THSD7A: variants seen among roughly 807,000 people sequenced by gnomAD.
THSD7A encodes thrombospondin type 1 domain containing 7A.
In THSD7A, 96 loss-of-function variants were observed where a neutral mutation model predicts 231.3. The ratio of observed to expected loss-of-function variants is 0.41; its 90% CI spans 0.35 to 0.49. The LOEUF is 0.49. THSD7A is among the 20% of genes least tolerant of loss of function. THSD7A has a pLI of 0.05. For missense variants in THSD7A, 2,290 were observed against 2,070.2 expected, an observed-to-expected ratio of 1.11 and a Z score of -2.06; for synonymous variants, 940 against 743.3, an observed-to-expected ratio of 1.26 and a Z score of -4.30.
intron 1 of THSD7A, among the ~76,000 whole-genome samples, chr7:11,821,555 A>G (rs1268812955): frequency 6.6e-6 from 1 of 152,196 alleles, no homozygotes; most frequent in Non-Finnish European, 1.5e-5. Flanking sequence ...AAGAATGCAG[A>G]TAATTTGCTT....
rs75763356 is a variant in THSD7A, at chr7:11,460,379, A to C, written c.2605+283T>G. The stretch of plus-strand genomic sequence containing the variant: ...ACAAACAAACAAACAAACAAACAAA[A>C]AAGCTTCAGTGTACCATTTATGTCA... On this transcript the variant is annotated intron_variant, in intron 11 of 27. Coordinates refer to ENST00000423059, the MANE Select transcript of THSD7A (RefSeq NM_015204.3). Among the ~76,000 whole-genome samples, 452 of 150,890 alleles carry C rather than the reference A, an allele frequency of 3.0e-3. 1 individual carries two copies. The highest frequency in any genetic ancestry group is 0.011 in the African/African-American group (434 of 40,326).
chr7:11,392,633 C>T (rs1189630863), intron 23 of THSD7A, among the ~76,000 whole-genome samples: 3 of 152,190 alleles, frequency 2.0e-5, no homozygotes, highest in Non-Finnish European at 4.4e-5. Context: ...GATCCACTGG[C>T]TTGACATTCT....
intron 4 of THSD7A, among the ~76,000 whole-genome samples, chr7:11,564,617 C>A (rs1227806253): frequency 1.3e-5 from 2 of 152,096 alleles, no homozygotes; most frequent in Non-Finnish European, 2.9e-5. Flanking sequence ...AAACTCCTCC[C>A]AGGGTCTAGA....
At position 11,481,993 on chromosome 7, in the gene THSD7A, C is replaced by T; in HGVS notation, c.1823-11G>A. The T allele has an allele frequency of 1.3e-6, 2 of 1,584,218 alleles. No individual in the cohort carries two copies. The highest frequency in any genetic ancestry group is 1.7e-6 in the Non-Finnish European group (2 of 1,162,164). Reference sequence around the variant, plus strand: ...TGTCAACTTCTTCTCCTGGGGAAAACATGACCACCAACAGCTATTATTGTT... The same window carrying T: ...TGTCAACTTCTTCTCCTGGGGAAAATATGACCACCAACAGCTATTATTGTT... On this transcript the variant is annotated splice_polypyrimidine_tract_variant and intron_variant, in intron 6 of 27. Transcript: ENST00000423059.
intron 9 of THSD7A, among the ~76,000 whole-genome samples, chr7:11,468,347 A>C (rs1213683532): frequency 6.6e-6 from 1 of 151,996 alleles, no homozygotes; most frequent in Non-Finnish European, 1.5e-5. Context: ...TCTATAAGAA[A>C]GTACAATTCT....
chr7:11,404,840 A>G (rs896106013), intron 22 of THSD7A, among the ~76,000 whole-genome samples: 2 of 152,176 alleles, frequency 1.3e-5, no homozygotes, highest in African/African-American at 4.8e-5. Flanking sequence ...TAGGTATACA[A>G]TACAGTATTG....
Position 11,446,989 on chromosome 7 carries a change from C to A in THSD7A, c.2800+241G>T, listed in dbSNP as rs976289166. Among the ~76,000 whole-genome samples, 1 of 152,088 alleles carries A rather than the reference C, an allele frequency of 6.6e-6. No homozygotes were observed. Among genetic ancestry groups the A allele is most frequent in the African/African-American group, 2.4e-5 (1 of 41,426 alleles). On this transcript the variant is annotated intron_variant, in intron 12 of 27. Coordinates refer to ENST00000423059, the MANE Select transcript of THSD7A (RefSeq NM_015204.3). The surrounding 1 kb of genome is among the most constrained non-coding windows in gnomAD (Gnocchi z 4.0). Reference sequence around the variant, plus strand: ...CAGGCAGTCCACTAAAAGATTATGTCTACACCAGAAAATAATCCACTGCAT... The same window carrying A: ...CAGGCAGTCCACTAAAAGATTATGTATACACCAGAAAATAATCCACTGCAT...
chr7:11,656,776 T>G (rs552753149), intron 1 of THSD7A, among the ~76,000 whole-genome samples: 1 of 151,956 alleles, frequency 6.6e-6, no homozygotes, highest in Non-Finnish European at 1.5e-5. Context: ...ACTCATTACC[T>G]TTCTGAGTTG....
Position 11,406,292 on chromosome 7 carries a change from G to A in THSD7A, c.4237+8C>T, listed in dbSNP as rs371955601. 29 of 1,600,032 alleles carry A rather than the reference G, an allele frequency of 1.8e-5. No homozygotes were observed. Among genetic ancestry groups the A allele is most frequent in the African/African-American group, 9.4e-5 (7 of 74,280 alleles). On this transcript the variant is annotated splice_region_variant and intron_variant, in intron 22 of 27. Transcript: ENST00000423059. The surrounding 1 kb of genome is among the most constrained non-coding windows in gnomAD (Gnocchi z 4.7). The stretch of plus-strand genomic sequence containing the variant: ...ATCAGAATATGAATTCTCCTTTGCC[G>A]TTGTTACCTGGGCAAGGCTGGCTGC...
intron 16 of THSD7A, among the ~76,000 whole-genome samples, chr7:11,423,932 A>C (rs76560925): frequency 6.6e-6 from 1 of 152,160 alleles, no homozygotes; most frequent in African/African-American, 2.4e-5. Context: ...ATTCCTATGA[A>C]TATGTGGGGT....
chr7:11,409,347 C>T (rs187890972), intron 19 of THSD7A, among the ~76,000 whole-genome samples: 75 of 152,278 alleles, frequency 4.9e-4, no homozygotes, highest in African/African-American at 1.4e-3. Context: ...GTTGCACAGT[C>T]GAATTTTAAG....
chr7:11,528,151 G>A (rs1562687880), intron 6 of THSD7A, among the ~76,000 whole-genome samples: 2 of 152,118 alleles, frequency 1.3e-5, no homozygotes, highest in Admixed American at 1.3e-4. Context: ...CTGGGTGACA[G>A]AGTGAGACCC....
At chr7:11,696,451 G>A (rs918509265) in intron 1 of THSD7A, among the ~76,000 whole-genome samples, 2 of 151,232 alleles carry the variant, frequency 1.3e-5, no homozygotes, top group Non-Finnish European at 3.0e-5. Flanking sequence ...TTAAGTTCTG[G>A]GATACATGTG....
intron 1 of THSD7A, among the ~76,000 whole-genome samples, chr7:11,730,485 TATA>T (rs1781691337): frequency 6.6e-6 from 1 of 151,638 alleles, no homozygotes; most frequent in Non-Finnish European, 1.5e-5. Flanking sequence ...CGTAATGTAT[TATA>T]ATAAATTTAA....
At chr7:11,530,320 G>C (rs1360888755) in intron 6 of THSD7A, among the ~76,000 whole-genome samples, 1 of 152,084 alleles carries the variant, frequency 6.6e-6, no homozygotes, top group East Asian at 1.9e-4. Context: ...ACATCTGGTA[G>C]GCAAAGTTTG....
Position 11,406,990 on chromosome 7 carries a change from G to T in THSD7A, c.3982C>A (p.Leu1328Met). The change falls in exon 21 of 28, where the codon CTG (leucine) becomes ATG (methionine). Residue 1328 changes from leucine (L) to methionine (M), a missense_variant. Transcript: ENST00000423059. This position sits in a 1 kb window ranked among gnomAD's most constrained non-coding sequence, Gnocchi z 4.7. ...GGGCAGGGTTTGGACTGGTCCATCA[G>T]GGAAGGGCATGGTCTTCCATCACCT... ...FQGDGRPCPS[L>M]MDQSKPCPVK... 1 of 1,613,876 alleles carries T rather than the reference G, an allele frequency of 6.2e-7. No homozygotes were observed. Among genetic ancestry groups the T allele is most frequent in the Non-Finnish European group, 8.5e-7 (1 of 1,179,852 alleles).
intron 26 of THSD7A, 76 bp from the exon 27 acceptor site, chr7:11,376,733 A>G (rs1357121153): frequency 1.7e-5 from 19 of 1,108,880 alleles, no homozygotes; most frequent in Non-Finnish European, 5.3e-6. Flanking sequence ...ATGACCAATG[A>G]TCAGTCATAT....
In THSD7A at chr7:11,734,903, T is replaced by A. The variant is rs181547601; in HGVS notation, c.190+96854A>T. 5.1e-3 allele frequency among the ~76,000 whole-genome samples: 778 copies of A among 152,046 alleles called. 13 individuals carry two copies. The highest frequency in any genetic ancestry group is 0.016 in the African/African-American group (657 of 41,530). ...TTATAGTCATTTTTTAGGATTTTAT[T>A]TTGGTCAACGAATTTATTGCTTAGA... is the stretch of plus-strand genomic sequence containing the variant. On this transcript the variant is annotated intron_variant, in intron 1 of 27. Coordinates refer to ENST00000423059, the MANE Select transcript of THSD7A (RefSeq NM_015204.3).
chr7:11,427,386 A>G (rs1784355715), intron 14 of THSD7A, among the ~76,000 whole-genome samples: 1 of 152,198 alleles, frequency 6.6e-6, no homozygotes, highest in African/African-American at 2.4e-5. Flanking sequence ...ATGTCTCAGT[A>G]AGCCTTCAGT....
Sources: allele counts gnomAD v4.1 joint callset (sites outside exome capture counted in the v4.1 genomes callset), GRCh38; gene constraint gnomAD v4.1.1; non-coding constraint Gnocchi (gnomAD v3.1); transcripts MANE v1.5; gene names NCBI Gene and HGNC (gene_info 2026-07-23, HGNC 2026-07-21).